The following MTREX variants were observed in gnomAD, a reference collection of about 807,000 sequenced individuals.
MTREX encodes exosome RNA helicase MTR4.
MTREX carries 76 observed loss-of-function variants against 135.4 expected under a neutral mutation model. The ratio of observed to expected loss-of-function variants is 0.56; its 90% CI spans 0.47 to 0.68. The LOEUF is 0.68. Ranked by LOEUF, MTREX falls within the 30% of genes least tolerant of loss-of-function variation. The pLI is 0.00. For synonymous variants in MTREX, 404 were observed against 401.6 expected (o/e 1.01, Z -0.07); for missense variants, 920 against 1,262.1 (o/e 0.73, Z 4.11).
intron 22 of MTREX, among the ~76,000 whole-genome samples, chr5:55,408,460 T>C (rs1196662031): frequency 6.6e-6 from 1 of 152,218 alleles, no homozygotes; most frequent in East Asian, 1.9e-4. Context: ...CACTCTTTGC[T>C]TGACTTAACT....
chr5:55,324,401 C>A (rs1198307425), intron 3 of MTREX: 4 of 116,456 alleles, frequency 3.4e-5, no homozygotes, highest in Non-Finnish European at 6.7e-5. Flanking sequence ...TAACTATAAT[C>A]TTGGGTAAAT....
intron 5 of MTREX, among the ~76,000 whole-genome samples, chr5:55,333,881 C>A (rs1012874048): frequency 3.3e-5 from 5 of 152,018 alleles, no homozygotes; most frequent in African/African-American, 1.2e-4. Flanking sequence ...TAACAGGTAC[C>A]TAAACAAATC....
At chr5:55,410,650 CATCTT>C in intron 23 of MTREX, 21 bp downstream of exon 23, 1 of 1,450,362 alleles carries the variant, frequency 6.9e-7, no homozygotes. Context: ...TGATTCAGCA[CATCTT>C]ATTTATTAAT....
Position 55,315,052 on chromosome 5 carries a change from G to A in MTREX, c.134+6905G>A, listed in dbSNP as rs1239772971. Among the ~76,000 whole-genome samples, 3 of 152,164 alleles carry A rather than the reference G, an allele frequency of 2.0e-5. No homozygotes were observed. In the East Asian group the frequency reaches 5.8e-4, roughly 29 times the overall value. On this transcript the variant is annotated intron_variant, in intron 1 of 26. Coordinates refer to ENST00000230640, the MANE Select transcript of MTREX (RefSeq NM_015360.5). ...GTTGGGGGCCCATTTTAAGCCACTG[G>A]GTTTGTGGTAATCTGTTACAGCAGC...
chr5:55,341,441 C>A (rs1749648216), intron 6 of MTREX, among the ~76,000 whole-genome samples: 1 of 151,728 alleles, frequency 6.6e-6, no homozygotes, highest in African/African-American at 2.4e-5. Flanking sequence ...TGTTTAGAAG[C>A]CATTTACTTT....
In MTREX at chr5:55,357,270, C is replaced by G. The variant is rs530242578; in HGVS notation, c.1534-1303C>G. ...CCTTTGCCAATTGGGGTCTTCATGT[C>G]ATACTTAACTGTCATATATGGGTTG... is the stretch of plus-strand genomic sequence containing the variant. On this transcript the variant is annotated intron_variant, in intron 14 of 26. Coordinates refer to ENST00000230640, the MANE Select transcript of MTREX (RefSeq NM_015360.5). The G allele has an allele frequency of 2.0e-5, 3 of 152,694 alleles. No homozygotes were observed. In the East Asian group the frequency reaches 5.8e-4, roughly 30 times the overall value. 9.5% of individuals were successfully genotyped at this position (152,694 alleles called of 1,614,324 possible).
intron 16 of MTREX, among the ~76,000 whole-genome samples, chr5:55,373,987 G>A (rs929594347): frequency 2.5e-4 from 38 of 152,188 alleles, no homozygotes; most frequent in African/African-American, 7.9e-4. Context: ...AAAATGCCAG[G>A]CATGGTGGCT....
chr5:55,380,205 G>A (rs1459094370), intron 18 of MTREX, among the ~76,000 whole-genome samples: 1 of 152,088 alleles, frequency 6.6e-6, no homozygotes. Context: ...CTCCCAAAGT[G>A]CTGGGATTAC....
rs755866580 is a variant in MTREX at position 55,425,280 on chromosome 5, C to G, written c.*508C>G. 9 of 1,611,360 alleles carry G rather than the reference C, an allele frequency of 5.6e-6. No individual in the cohort carries two copies. The Admixed American group carries it at 1.0e-4, about 18-fold the overall frequency. ...TGCAGAGTTGTATGAGAGTCCTCCT[C>G]TTTTCTTTCTTTAAAAGAAGTTCTT... On this transcript the variant is annotated 3_prime_UTR_variant, in exon 27 of 27. Transcript: ENST00000230640.
intron 21 of MTREX, 131 bp from the exon 22 acceptor site, chr5:55,405,294 C>G (rs1750784579): frequency 2.8e-6 from 2 of 710,582 alleles, no homozygotes; most frequent in Non-Finnish European, 2.3e-6. Flanking sequence ...CTCCCCAGCA[C>G]TGAAGCTTTA....
At chr5:55,333,230 G>A (rs1749504136) in intron 5 of MTREX, among the ~76,000 whole-genome samples, 1 of 152,110 alleles carries the variant, frequency 6.6e-6, no homozygotes, top group African/African-American at 2.4e-5. Flanking sequence ...GTATCAGCCA[G>A]TTGCAGAATA....
intron 14 of MTREX, chr5:55,356,505 G>A (rs1579866863): frequency 4.9e-6 from 1 of 202,118 alleles, no homozygotes; most frequent in Non-Finnish European, 1.1e-5. Flanking sequence ...AGAGGCTGCC[G>A]TGTTTACCAC....
At chr5:55,385,690 T>C (rs573871937) in intron 18 of MTREX, among the ~76,000 whole-genome samples, 1 of 152,184 alleles carries the variant, frequency 6.6e-6, no homozygotes, top group Non-Finnish European at 1.5e-5. Flanking sequence ...ATTTAAATGA[T>C]TGGTTTTTCA....
At chr5:55,357,813 G>T (rs1308821069) in intron 14 of MTREX, among the ~76,000 whole-genome samples, 1 of 152,140 alleles carries the variant, frequency 6.6e-6, no homozygotes, top group Non-Finnish European at 1.5e-5. Context: ...TGGTTCAGTG[G>T]TGCCCTGAAA....
intron 20 of MTREX, among the ~76,000 whole-genome samples, 181 bp downstream of exon 20, chr5:55,397,707 T>C (rs1158724863): frequency 6.6e-6 from 1 of 152,196 alleles, no homozygotes; most frequent in Non-Finnish European, 1.5e-5. Context: ...GGATTTGTAC[T>C]CTCTTTGAAT....
At chr5:55,408,000 C>T (rs1417247454) in intron 22 of MTREX, among the ~76,000 whole-genome samples, 5 of 152,028 alleles carry the variant, frequency 3.3e-5, no homozygotes, top group Non-Finnish European at 7.4e-5. Context: ...TTAAGCAGTC[C>T]GCCCACCTTA....
intron 2 of MTREX, among the ~76,000 whole-genome samples, chr5:55,323,869 A>G (rs964211215): frequency 1.3e-5 from 2 of 152,246 alleles, no homozygotes; most frequent in African/African-American, 4.8e-5. Flanking sequence ...TATTGGAACT[A>G]AGCTGACATA....
chr5:55,389,623 T>C (rs1750532911), intron 19 of MTREX, among the ~76,000 whole-genome samples: 1 of 152,066 alleles, frequency 6.6e-6, no homozygotes. Context: ...ATAAAGGAAG[T>C]AGTGAGATTT....
At chr5:55,336,088 C>G (rs757400465) in intron 5 of MTREX, among the ~76,000 whole-genome samples, 4 of 152,096 alleles carry the variant, frequency 2.6e-5, no homozygotes, top group Non-Finnish European at 5.9e-5. Context: ...TTTTTATATA[C>G]TGGTATTTTA....
Sources: gnomAD v4.1 joint callset for allele counts (sites outside exome capture counted in the v4.1 genomes callset) on GRCh38, gnomAD v4.1.1 for gene constraint, MANE v1.5 for transcripts, NCBI Gene and HGNC (gene_info 2026-07-23, HGNC 2026-07-21) for gene names.